ARHGEF26: variants seen among roughly 807,000 people sequenced by gnomAD.
The protein encoded by ARHGEF26 is Rho guanine nucleotide exchange factor (GEF) 26.
ARHGEF26 carries 59 observed loss-of-function variants against 89.4 expected under a neutral mutation model. The ratio of observed to expected loss-of-function variants is 0.66; its 90% confidence interval spans 0.54 to 0.82. ARHGEF26 has a LOEUF of 0.82. Ranked by LOEUF, ARHGEF26 falls within the 40% of genes least tolerant of loss-of-function variation. The pLI, the probability that ARHGEF26 is intolerant of heterozygous loss-of-function variation, is 0.00. For synonymous variants in ARHGEF26, 500 were observed against 428.4 expected (o/e 1.17, Z -2.06); for missense variants, 1,234 against 1,085.6 (o/e 1.14, Z -1.92).
chr3:154,155,675 G>C (rs1720297313), intron 6 of ARHGEF26, among the ~76,000 whole-genome samples: 1 of 151,920 alleles, frequency 6.6e-6, no homozygotes, highest in African/African-American at 2.4e-5. Flanking sequence ...GCATTATGTT[G>C]TAGCCTTTTC....
chr3:154,136,121 T>C (rs905236481), intron 4 of ARHGEF26, among the ~76,000 whole-genome samples: 1 of 152,274 alleles, frequency 6.6e-6, no homozygotes, highest in African/African-American at 2.4e-5. Flanking sequence ...CTTGCTGACA[T>C]GTGGCTTTAT....
chr3:154,245,863 C>A (rs532550925), intron 12 of ARHGEF26, among the ~76,000 whole-genome samples: 1 of 152,130 alleles, frequency 6.6e-6, no homozygotes, highest in Non-Finnish European at 1.5e-5. Flanking sequence ...GTGAACCATA[C>A]GGAGATCAGA....
intron 2 of ARHGEF26, among the ~76,000 whole-genome samples, chr3:154,124,089 A>G (rs1437981469): frequency 2.6e-5 from 4 of 152,242 alleles, no homozygotes; most frequent in Non-Finnish European, 4.4e-5. Context: ...CTCTGCAAGT[A>G]TAGCAAAGTT....
chr3:154,129,471 A>G lies in ARHGEF26; in HGVS notation c.1124-103A>G, dbSNP rs1432290785. 4.0e-6 allele frequency: 5 copies of G among 1,249,670 alleles called. No individual in the cohort carries two copies. In the East Asian group the frequency reaches 1.0e-4, roughly 25 times the overall value. 77.4% of individuals were successfully genotyped at this position (1,249,670 alleles called of 1,614,324 possible). ...ACTAAATCTGTTTGTCTCTCTGTTTATAAAATTGGAGGCCAAACATTGGGT... is the reference window on the plus strand; with the variant it reads ...ACTAAATCTGTTTGTCTCTCTGTTTGTAAAATTGGAGGCCAAACATTGGGT... On this transcript the variant is annotated intron_variant, in intron 3 of 14. Coordinates refer to ENST00000465093, the MANE Select transcript of ARHGEF26 (RefSeq NM_015595.4).
chr3:154,180,152 ATTACT>A (rs890525502), intron 6 of ARHGEF26, among the ~76,000 whole-genome samples: 18 of 152,168 alleles, frequency 1.2e-4, no homozygotes, highest in African/African-American at 4.3e-4. Flanking sequence ...GACCTCTGTG[ATTACT>A]TTAAGCCCAC....
intron 6 of ARHGEF26, among the ~76,000 whole-genome samples, chr3:154,180,137 A>T (rs1244865177): frequency 6.6e-6 from 1 of 152,146 alleles, no homozygotes; most frequent in Non-Finnish European, 1.5e-5. Context: ...TCCCTCTCTT[A>T]TAAGGACCTC....
intron 9 of ARHGEF26, among the ~76,000 whole-genome samples, chr3:154,213,128 T>C (rs1488607370): frequency 6.6e-6 from 1 of 152,140 alleles, no homozygotes; most frequent in Non-Finnish European, 1.5e-5. Context: ...GGATCAGATA[T>C]TCTATTAATC....
chr3:154,151,775 G>A (rs1720037891), intron 5 of ARHGEF26, among the ~76,000 whole-genome samples: 1 of 152,136 alleles, frequency 6.6e-6, no homozygotes, highest in Admixed American at 6.5e-5. Flanking sequence ...GCAGCTGGGT[G>A]TCCACCTGCT....
Position 154,219,590 on chromosome 3 carries a change from T to TAA in ARHGEF26, c.1935+1644_1935+1645dup, listed in dbSNP as rs956719129. On this transcript the variant is annotated intron_variant, in intron 10 of 14. Coordinates refer to ENST00000465093, the MANE Select transcript of ARHGEF26 (RefSeq NM_015595.4). ...AGCCTGGGCAAAAGAGCAAGACTCT[T>TAA]AAAAAAAAAAAAAGAAAAAGAAAAA... Among the ~76,000 whole-genome samples the TAA allele has an allele frequency of 1.6e-4, 19 of 121,500 alleles. No homozygotes were observed. In the East Asian group the frequency reaches 3.5e-3, roughly 22 times the overall value. 79.7% of individuals were successfully genotyped at this position (121,500 alleles called of 152,430 possible).
intron 7 of ARHGEF26, 27 bp from the exon 8 acceptor site, chr3:154,191,262 G>A (rs554685394): frequency 2.8e-4 from 450 of 1,580,334 alleles, no homozygotes; most frequent in Non-Finnish European, 3.6e-4. Context: ...ATATTTTGAA[G>A]TTTCTCTTTT....
At chr3:154,121,897 C>G in intron 1 of ARHGEF26, 45 bp from the exon 2 acceptor site, 4 of 1,473,618 alleles carry the variant, frequency 2.7e-6, no homozygotes, top group Non-Finnish European at 3.6e-6. Flanking sequence ...GCCAGGCGTC[C>G]CCGGTTGTCC....
intron 11 of ARHGEF26, among the ~76,000 whole-genome samples, chr3:154,239,313 T>A (rs1265439641): frequency 2.3e-3 from 313 of 135,024 alleles, no homozygotes; most frequent in East Asian, 5.6e-3. Context: ...TGTGTGTGTG[T>A]GTGTGTGTGT....
intron 6 of ARHGEF26, among the ~76,000 whole-genome samples, chr3:154,160,399 CTT>C (rs1328688041): frequency 6.6e-6 from 1 of 152,072 alleles, no homozygotes; most frequent in Non-Finnish European, 1.5e-5. Flanking sequence ...GATCTGAAGT[CTT>C]TGTACAATTG....
In ARHGEF26 at chr3:154,256,876, G is replaced by A; in HGVS notation, c.*1403G>A. The A allele has an allele frequency of 6.5e-7, 1 of 1,535,064 alleles. No individual in the cohort carries two copies. The highest frequency in any genetic ancestry group is 8.7e-7 in the Non-Finnish European group (1 of 1,146,584). On this transcript the variant is annotated 3_prime_UTR_variant, in exon 15 of 15. Coordinates refer to ENST00000465093, the MANE Select transcript of ARHGEF26 (RefSeq NM_015595.4). ...TTTACTTTTTCCACTAGTGCACAGA[G>A]AGAGAAAGGTTATCTTAATAGTCGG...
chr3:154,136,818 C>A lies in ARHGEF26; in HGVS notation c.1269+7099C>A, dbSNP rs551071203. ...TTTCATTTACAGTTTGGCAACGCAG[C>A]AGTCTCATAAGATTATTTTTTTACT... On this transcript the variant is annotated intron_variant, in intron 4 of 14. Coordinates refer to ENST00000465093, the MANE Select transcript of ARHGEF26 (RefSeq NM_015595.4). Among the ~76,000 whole-genome samples, 55 of 152,310 alleles carry A rather than the reference C, an allele frequency of 3.6e-4. 1 individual carries two copies. In the South Asian group the frequency reaches 0.011, roughly 32 times the overall value.
At chr3:154,187,591 C>G in intron 6 of ARHGEF26, 94 bp from the exon 7 acceptor site, 1 of 1,144,900 alleles carries the variant, frequency 8.7e-7, no homozygotes, top group African/African-American at 1.6e-5. Flanking sequence ...GTTGAATTTT[C>G]AAACCCCGTG....
chr3:154,214,424 A>G (rs1715592076), intron 9 of ARHGEF26, among the ~76,000 whole-genome samples: 1 of 152,166 alleles, frequency 6.6e-6, no homozygotes. Flanking sequence ...GGACAGCATC[A>G]TTAAGGAGAC....
intron 12 of ARHGEF26, among the ~76,000 whole-genome samples, chr3:154,242,260 C>G (rs1271268089): frequency 6.6e-6 from 1 of 152,126 alleles, no homozygotes; most frequent in Non-Finnish European, 1.5e-5. Context: ...AAATTAAAAG[C>G]CTTCTGGAAA....
rs372666772 is a variant in ARHGEF26, at chr3:154,217,847, C to T, written c.1846-22C>T. ...GTTTCTCTCCTTGACCTTTAACCCT[C>T]GTTACTCTTCTGTGTTCCCAGTTGG... On this transcript the variant is annotated intron_variant, in intron 9 of 14. Transcript: ENST00000465093. The T allele has an allele frequency of 2.7e-5, 42 of 1,568,680 alleles. 1 individual carries two copies. Among genetic ancestry groups the T allele is most frequent in the East Asian group, 1.8e-4 (8 of 43,366 alleles).
Sources: allele counts gnomAD v4.1 joint callset (sites outside exome capture counted in the v4.1 genomes callset), GRCh38; gene constraint gnomAD v4.1.1; transcripts MANE v1.5; gene names NCBI Gene and HGNC (gene_info 2026-07-23, HGNC 2026-07-21).